The following EIF2A variants were observed in gnomAD, a reference collection of about 807,000 sequenced individuals.
EIF2A encodes 65 kDa eukaryotic translation initiation factor 2A.
Under a neutral mutation model 75.2 loss-of-function variants are expected in EIF2A, and 62 were observed. That is an observed-to-expected ratio of 0.82 (90% CI 0.67 to 1.02). The LOEUF (loss-of-function observed/expected upper bound fraction) is 1.02, where lower values mean the gene tolerates loss of function less well. Ranked by LOEUF, EIF2A falls within the 50% of genes least tolerant of loss-of-function variation. The pLI is 0.00. For missense variants in EIF2A, 611 were observed against 677.7 expected (o/e 0.90, Z 1.09); for synonymous variants, 207 against 239.0 (o/e 0.87, Z 1.23).
chr3:150,567,744 C>T lies in EIF2A; in HGVS notation c.527C>T (p.Ser176Leu). ...CAAAAAATTAATGATTTTGTATTAT[C>T]ACCTGGACCCCAACCATACAAGGTA... is the stretch of plus-strand genomic sequence containing the variant. ...HLQKINDFVL[S>L]PGPQPYKVAV... The change falls in exon 7 of 14, where the codon TCA becomes TTA. Residue 176 changes from serine (S) to leucine (L), a missense_variant. Physicochemically the swap from Ser to Leu is moderately radical, Grantham distance 145 (BLOSUM62 -2). Coordinates refer to ENST00000460851, the MANE Select transcript of EIF2A (RefSeq NM_032025.5). The T allele has an allele frequency of 6.4e-7, 1 of 1,561,480 alleles. No individual in the cohort carries two copies. The highest frequency in any genetic ancestry group is 1.2e-5 in the South Asian group (1 of 84,974).
chr3:150,559,450 G>C (rs1404689594), intron 3 of EIF2A, among the ~76,000 whole-genome samples: 1 of 150,180 alleles, frequency 6.7e-6, no homozygotes, highest in Non-Finnish European at 1.5e-5. Context: ...CTCCTGCCTC[G>C]GCCTCCCGAA....
At chr3:150,564,122 T>C (rs1313976490) in intron 5 of EIF2A, among the ~76,000 whole-genome samples, 177 bp from the exon 6 acceptor site, 2 of 152,148 alleles carry the variant, frequency 1.3e-5, no homozygotes, top group African/African-American at 4.8e-5. Context: ...CCTGGCCTTT[T>C]CTATTAACAT....
At position 150,584,944 on chromosome 3, in the gene EIF2A, C is replaced by T. The variant is rs1398315768; in HGVS notation, c.*1033C>T. Reference sequence around the variant, plus strand: ...AAGTCTGTTCCACTACCACATTTTCCAGTTTTTTGTGTATCTTTCTAATGA... The same window carrying T: ...AAGTCTGTTCCACTACCACATTTTCTAGTTTTTTGTGTATCTTTCTAATGA... On this transcript the variant is annotated 3_prime_UTR_variant, in exon 14 of 14. Coordinates refer to ENST00000460851, the MANE Select transcript of EIF2A (RefSeq NM_032025.5). 4.0e-5 allele frequency among the ~76,000 whole-genome samples: 6 copies of T among 151,666 alleles called. No individual in the cohort carries two copies. The highest frequency in any genetic ancestry group is 1.5e-4 in the African/African-American group (6 of 41,256).
intron 8 of EIF2A, 55 bp from the exon 9 acceptor site, chr3:150,568,121 G>C (rs1724292196): frequency 6.2e-7 from 1 of 1,601,324 alleles, no homozygotes; most frequent in Non-Finnish European, 8.5e-7. Flanking sequence ...GTGTATAACA[G>C]AAGAATCAAT....
intron 9 of EIF2A, 43 bp downstream of exon 9, chr3:150,568,335 G>A (rs1166331164): frequency 2.1e-6 from 3 of 1,458,776 alleles, no homozygotes; most frequent in East Asian, 2.3e-5. Flanking sequence ...AACAATGATA[G>A]TAAAAAATAC....
chr3:150,570,371 A>G (rs1484302557), intron 9 of EIF2A, among the ~76,000 whole-genome samples: 1 of 152,110 alleles, frequency 6.6e-6, no homozygotes, highest in Non-Finnish European at 1.5e-5. Context: ...AAAGACCAAT[A>G]ATTGGAGAAA....
chr3:150,582,579 G>A (rs957917624), intron 12 of EIF2A, among the ~76,000 whole-genome samples: 1 of 152,118 alleles, frequency 6.6e-6, no homozygotes, highest in Non-Finnish European at 1.5e-5. Flanking sequence ...CTCCCAAAGT[G>A]CTGGGATTAC....
chr3:150,548,601 C>T (rs1723161013), intron 1 of EIF2A, among the ~76,000 whole-genome samples: 1 of 152,178 alleles, frequency 6.6e-6, no homozygotes, highest in Non-Finnish European at 1.5e-5. Flanking sequence ...TCAGTGGGGG[C>T]ATTAGAGCCT....
In EIF2A at chr3:150,567,909, T is replaced by TC. The variant is rs1559880894; in HGVS notation, c.558dup (p.Tyr187LeufsTer6). ...TATGTCTATGTATCTTAGGTGGCTG[T>TC]CTATGTTCCAGGAAGTAAAGGTGCA... On this transcript the variant is annotated frameshift_variant, in exon 8 of 14. Transcript: ENST00000460851. LOFTEE classifies it high-confidence loss of function. 1 of 1,604,510 alleles carries TC rather than the reference T, an allele frequency of 6.2e-7. No homozygotes were observed.
intron 2 of EIF2A, among the ~76,000 whole-genome samples, chr3:150,554,663 G>A (rs542738834): frequency 3.9e-5 from 6 of 152,312 alleles, no homozygotes; most frequent in African/African-American, 1.4e-4. Flanking sequence ...CACTGATCTA[G>A]GCAGATGATC....
chr3:150,546,847 C>T lies in EIF2A; in HGVS notation c.28+17C>T. 2 of 1,611,628 alleles carry T rather than the reference C, an allele frequency of 1.2e-6. No individual in the cohort carries two copies. The highest frequency in any genetic ancestry group is 1.7e-6 in the Non-Finnish European group (2 of 1,179,886). On this transcript the variant is annotated intron_variant, in intron 1 of 13. Coordinates refer to ENST00000460851, the MANE Select transcript of EIF2A (RefSeq NM_032025.5). ...TCTTGACAGGTGAGTTCTGAAGAAG[C>T]GAGGGACTCTCTTTCTTCAGACTAG...
intron 13 of EIF2A, 40 bp from the exon 14 acceptor site, chr3:150,583,806 A>G: frequency 6.3e-7 from 1 of 1,578,936 alleles, no homozygotes; most frequent in Non-Finnish European, 8.7e-7. Context: ...CATATCCAGT[A>G]ATTATTTCAT....
chr3:150,553,429 A>T (rs1003031689), intron 2 of EIF2A, among the ~76,000 whole-genome samples: 11 of 150,914 alleles, frequency 7.3e-5, no homozygotes, highest in Non-Finnish European at 1.3e-4. Context: ...TTTTTTTGAG[A>T]CTGAGTTTTG....
chr3:150,572,208 AC>A lies in EIF2A; in HGVS notation c.1064del (p.Pro355ArgfsTer19), dbSNP rs1320527387. 1 of 1,613,742 alleles carries A rather than the reference AC, an allele frequency of 6.2e-7. No individual in the cohort carries two copies. The highest frequency in any genetic ancestry group is 1.3e-5 in the African/African-American group (1 of 74,878). On this transcript the variant is annotated frameshift_variant, in exon 10 of 14. Coordinates refer to ENST00000460851, the MANE Select transcript of EIF2A (RefSeq NM_032025.5). LOFTEE classifies it high-confidence loss of function. ...TGAAAAACTACAAACTTATTTCTAA[AC>A]CGGTGGCTTCTGATTCTACATATTT... ...DVKNYKLISK[P>X]VASDSTYFAW... is the part of the protein sequence containing the mutation.
At chr3:150,551,732 A>G (rs1236036575) in intron 1 of EIF2A, among the ~76,000 whole-genome samples, 1 of 152,198 alleles carries the variant, frequency 6.6e-6, no homozygotes, top group Non-Finnish European at 1.5e-5. Flanking sequence ...TCTCAAAAAA[A>G]TAAATAAATT....
At chr3:150,553,018 T>G (rs1576587498) in intron 2 of EIF2A, 1 of 152,192 alleles carries the variant, frequency 6.6e-6, no homozygotes. Flanking sequence ...TGTTTTAAAT[T>G]TAAAAATTAA....
chr3:150,561,299 C>T (rs941771432), intron 3 of EIF2A, among the ~76,000 whole-genome samples: 8 of 152,030 alleles, frequency 5.3e-5, no homozygotes, highest in African/African-American at 1.9e-4. Flanking sequence ...TTTTGCGGGC[C>T]GGACACGGTG....
At chr3:150,582,750 G>T (rs552523269) in intron 12 of EIF2A, among the ~76,000 whole-genome samples, 1 of 151,114 alleles carries the variant, frequency 6.6e-6, no homozygotes, top group Non-Finnish European at 1.5e-5. Flanking sequence ...CCAGTGTGCT[G>T]GGGTGGCCCT....
rs1039252474 is a variant in EIF2A, at chr3:150,581,711, C to G, written c.1591C>G (p.Pro531Ala). 2.6e-6 allele frequency: 4 copies of G among 1,556,108 alleles called. No individual in the cohort carries two copies. Among genetic ancestry groups the G allele is most frequent in the South Asian group, 1.2e-5 (1 of 84,264 alleles). Residue 531 changes from proline to alanine, a missense_variant, in exon 12 of 14, where the codon CCT becomes GCT. Pro to Ala is a conservative substitution (Grantham distance 27, BLOSUM62 -1). Coordinates refer to ENST00000460851, the MANE Select transcript of EIF2A (RefSeq NM_032025.5). ...TGTCTCTCAGTCAATTTCTGGGGAC[C>G]CTGAGATAGACAAAAAAATCAAGAA... ...NTVSQSISGD[P>A]EIDKKIKNLK...
Sources: gnomAD v4.1 joint callset for allele counts (sites outside exome capture counted in the v4.1 genomes callset) on GRCh38, gnomAD v4.1.1 for gene constraint, MANE v1.5 for transcripts, NCBI Gene and HGNC (gene_info 2026-07-23, HGNC 2026-07-21) for gene names.